The following TFEC variants were observed in gnomAD, a reference collection of about 807,000 sequenced individuals.
TFEC encodes transcription factor EC, also known as class E basic helix-loop-helix protein 34.
Under a neutral mutation model 41.6 loss-of-function variants are expected in TFEC, and 31 were observed. The ratio of observed to expected loss-of-function variants is 0.74; its 90% CI spans 0.56 to 1.01. The LOEUF (loss-of-function observed/expected upper bound fraction) is 1.01, where lower values mean the gene tolerates loss of function less well. TFEC is among the 50% of genes least tolerant of loss of function. The pLI, the probability that TFEC is intolerant of heterozygous loss-of-function variation, is 0.00. For missense variants in TFEC, 402 were observed against 404.1 expected (o/e 0.99, Z 0.04); for synonymous variants, 143 against 140.6 (o/e 1.02, Z -0.12).
chr7:115,960,343 C>T (rs1417395330), intron 3 of TFEC, among the ~76,000 whole-genome samples: 1 of 151,486 alleles, frequency 6.6e-6, no homozygotes, highest in Non-Finnish European at 1.5e-5. Context: ...CTTAGGCATA[C>T]AATGCTTAAG....
intron 3 of TFEC, among the ~76,000 whole-genome samples, chr7:116,081,206 GGAA>G (rs1797082031): frequency 6.6e-6 from 1 of 151,736 alleles, no homozygotes; most frequent in Non-Finnish European, 1.5e-5. Flanking sequence ...TTGGACTTTG[GGAA>G]CTCTGGGGAA....
intron 3 of TFEC, 105 bp from the exon 4 acceptor site, chr7:115,956,898 A>T (rs1049196546): frequency 3.1e-6 from 2 of 649,044 alleles, no homozygotes; most frequent in African/African-American, 3.8e-5. Flanking sequence ...CATTTTGTTA[A>T]TAATAATTTC....
At chr7:116,034,065 A>T (rs1278804636), upstream of TFEC, among the ~76,000 whole-genome samples, 2 of 152,104 alleles carry the variant, frequency 1.3e-5, no homozygotes, top group African/African-American at 2.4e-5. Flanking sequence ...TGAATGCGTG[A>T]TCATTCTCTT....
intron 1 of TFEC, among the ~76,000 whole-genome samples, chr7:116,153,783 A>G (rs1798813131): frequency 6.6e-6 from 1 of 152,240 alleles, no homozygotes; most frequent in South Asian, 2.1e-4. Flanking sequence ...TAAAAAAAAG[A>G]TTAGGAAAGT....
chr7:116,079,164 T>C (rs1476742791), intron 3 of TFEC, among the ~76,000 whole-genome samples: 1 of 152,004 alleles, frequency 6.6e-6, no homozygotes, highest in East Asian at 1.9e-4. Context: ...AAAATCAGCA[T>C]AGAAGGAACA....
At chr7:116,050,125 A>G (rs1360282421) in intron 3 of TFEC, among the ~76,000 whole-genome samples, 1 of 152,210 alleles carries the variant, frequency 6.6e-6, no homozygotes, top group Non-Finnish European at 1.5e-5. Context: ...GAAATAACTA[A>G]GATCAGAACA....
At chr7:115,992,164 C>T (rs1205946592) in intron 1 of TFEC, among the ~76,000 whole-genome samples, 6 of 152,098 alleles carry the variant, frequency 3.9e-5, no homozygotes, top group Non-Finnish European at 7.3e-5. Context: ...CCAATGAGAA[C>T]AAAGACACAA....
intron 3 of TFEC, among the ~76,000 whole-genome samples, chr7:116,053,148 G>A (rs1796353223): frequency 6.6e-6 from 1 of 152,202 alleles, no homozygotes. Flanking sequence ...TTTCCTTGGT[G>A]AAGAATATAT....
intron 1 of TFEC, among the ~76,000 whole-genome samples, chr7:115,989,709 A>G (rs749771967): frequency 6.6e-6 from 1 of 152,162 alleles, no homozygotes; most frequent in Non-Finnish European, 1.5e-5. Flanking sequence ...TTGACTAGGT[A>G]GTAAACAAAG....
At chr7:116,133,277 C>T (rs185230382) in intron 1 of TFEC, among the ~76,000 whole-genome samples, 3 of 152,148 alleles carry the variant, frequency 2.0e-5, no homozygotes, top group East Asian at 1.9e-4. Flanking sequence ...TGGCCAGGCA[C>T]GGTGGTTCAT....
chr7:115,979,238 T>C (rs1231067264), intron 2 of TFEC, among the ~76,000 whole-genome samples: 1 of 152,168 alleles, frequency 6.6e-6, no homozygotes, highest in Non-Finnish European at 1.5e-5. Flanking sequence ...CTACAGTGAC[T>C]TGATACTGTT....
At chr7:115,970,419 A>G (rs1793081044) in intron 3 of TFEC, among the ~76,000 whole-genome samples, 1 of 151,894 alleles carries the variant, frequency 6.6e-6, no homozygotes, top group African/African-American at 2.4e-5. Context: ...AATGAGAGGG[A>G]AGGAAGTCGA....
intron 3 of TFEC, among the ~76,000 whole-genome samples, chr7:116,055,072 A>C (rs1796396434): frequency 6.6e-6 from 1 of 152,184 alleles, no homozygotes. Context: ...TATGTGTAAT[A>C]GGATGCCAGT....
chr7:116,144,587 C>T (rs1008849707), intron 1 of TFEC, among the ~76,000 whole-genome samples: 1 of 152,078 alleles, frequency 6.6e-6, no homozygotes, highest in African/African-American at 2.4e-5. Context: ...TGGGTTCAAA[C>T]GCTCCTCCCA....
intron 5 of TFEC, among the ~76,000 whole-genome samples, chr7:115,951,652 T>TA (rs1412269165): frequency 6.6e-6 from 1 of 152,072 alleles, no homozygotes; most frequent in Non-Finnish European, 1.5e-5. Context: ...GTCCTGGAAG[T>TA]AGGGGGACAA....
chr7:115,977,715 T>C (rs1793446832), intron 2 of TFEC, among the ~76,000 whole-genome samples: 1 of 151,992 alleles, frequency 6.6e-6, no homozygotes. Flanking sequence ...GAGAGAGACA[T>C]ACATGCATAA....
At chr7:115,987,743 G>A (rs1391168458) in intron 1 of TFEC, among the ~76,000 whole-genome samples, 1 of 151,938 alleles carries the variant, frequency 6.6e-6, no homozygotes, top group African/African-American at 2.4e-5. Flanking sequence ...ACAAAAATGT[G>A]TTTATATGTG....
At chr7:115,997,241 A>G (rs895307798) in intron 1 of TFEC, among the ~76,000 whole-genome samples, 1 of 152,160 alleles carries the variant, frequency 6.6e-6, no homozygotes, top group African/African-American at 2.4e-5. Context: ...GCACACAGAG[A>G]AAGACTCCAT....
chr7:116,006,545 C>T (rs1419986407), intron 1 of TFEC, among the ~76,000 whole-genome samples: 1 of 152,204 alleles, frequency 6.6e-6, no homozygotes, highest in Non-Finnish European at 1.5e-5. Flanking sequence ...TGCCTGCACC[C>T]TCACTGTATC....
Sources: allele counts gnomAD v4.1 joint callset (sites outside exome capture counted in the v4.1 genomes callset), GRCh38; gene constraint gnomAD v4.1.1; transcripts MANE v1.5; gene names NCBI Gene and HGNC (gene_info 2026-07-23, HGNC 2026-07-21).